Variants in HYDIN observed in about 807,000 individuals in gnomAD.
HYDIN encodes axonemal central pair apparatus protein HYDIN.
A neutral mutation model predicts 403.9 loss-of-function variants in HYDIN; 132 were observed. The ratio of observed to expected loss-of-function variants is 0.33; its 90% CI spans 0.28 to 0.38. HYDIN has a LOEUF of 0.38. Among genes scored for constraint, HYDIN ranks in the 10% least tolerant of loss-of-function variants. The pLI, the probability that HYDIN is intolerant of heterozygous loss-of-function variation, is 1.00. For synonymous variants in HYDIN, 1,202 were observed against 1,891.7 expected (o/e 0.64, Z 9.46); for missense variants, 2,827 against 5,009.5 (o/e 0.56, Z 13.15).
At chr16:71,101,946 C>T (rs989828825) in intron 10 of HYDIN, among the ~76,000 whole-genome samples, 4 of 151,996 alleles carry the variant, frequency 2.6e-5, no homozygotes, top group African/African-American at 9.7e-5. Context: ...AGAAACAACA[C>T]AAATGTCCAA....
intron 83 of HYDIN, among the ~76,000 whole-genome samples, chr16:70,819,296 C>T (rs1304920846): frequency 6.6e-6 from 1 of 151,968 alleles, no homozygotes; most frequent in African/African-American, 2.4e-5. Context: ...TTAATGATTA[C>T]TGTATGCCAG....
At position 70,900,347 on chromosome 16, in the gene HYDIN, C is replaced by T. The variant is rs553400182; in HGVS notation, c.9048+657G>A. 4.0e-3 allele frequency among the ~76,000 whole-genome samples: 612 copies of T among 151,346 alleles called. 4 individuals carry two copies. Among genetic ancestry groups the T allele is most frequent in the African/African-American group, 0.014 (557 of 41,214 alleles). ...AAAAAGTTAGCTGGGTGTAGTGGCGCGTGCCTGTAGTCCCAGCTACTCTGG... is the reference window on the plus strand; with the variant it reads ...AAAAAGTTAGCTGGGTGTAGTGGCGTGTGCCTGTAGTCCCAGCTACTCTGG... On this transcript the variant is annotated intron_variant, in intron 53 of 85. Coordinates refer to ENST00000393567, the MANE Select transcript of HYDIN (RefSeq NM_001270974.2).
intron 69 of HYDIN, 63 bp from the exon 70 acceptor site, chr16:70,860,964 G>A (rs2039373173): frequency 9.9e-7 from 1 of 1,009,910 alleles, no homozygotes; most frequent in South Asian, 1.5e-5. Flanking sequence ...TTCTTAGTTG[G>A]TTGGAAATGA....
chr16:71,219,661 A>G lies in HYDIN; in HGVS notation c.-24+10901T>C, dbSNP rs1361795460. Among the ~76,000 whole-genome samples, 4 of 152,184 alleles carry G rather than the reference A, an allele frequency of 2.6e-5. No individual in the cohort carries two copies. In the East Asian group the frequency reaches 7.7e-4, roughly 29 times the overall value. ...CCTTTAAAAAAATCAGATAACTAAA[A>G]CACTTTGAATCCAAATAAATTAAAA... On this transcript the variant is annotated intron_variant, in intron 1 of 85. Coordinates refer to ENST00000393567, the MANE Select transcript of HYDIN (RefSeq NM_001270974.2).
chr16:70,930,891 T>C (rs2077300441), intron 45 of HYDIN, among the ~76,000 whole-genome samples: 1 of 152,148 alleles, frequency 6.6e-6, no homozygotes, highest in Non-Finnish European at 1.5e-5. Context: ...AAATTACTTG[T>C]CATATGAAGA....
intron 15 of HYDIN, 61 bp from the exon 16 acceptor site, chr16:71,064,901 C>G: frequency 2.5e-6 from 4 of 1,586,844 alleles, no homozygotes; most frequent in Non-Finnish European, 2.6e-6. Flanking sequence ...ACAGAAAACG[C>G]AGAGCCCCAA....
rs2035033869 is a variant in HYDIN, at chr16:70,804,755, G to C, written c.*2825C>G. Among the ~76,000 whole-genome samples, 1 of 152,206 alleles carries C rather than the reference G, an allele frequency of 6.6e-6. No homozygotes were observed. The highest frequency in any genetic ancestry group is 6.5e-5 in the Admixed American group (1 of 15,286). The stretch of plus-strand genomic sequence containing the variant: ...CTATGAGGAAGCAGGTCTGAGCGCA[G>C]GCTGATCTAGTGATTAATGCTGAGT... On this transcript the variant is annotated 3_prime_UTR_variant, in exon 86 of 86. Transcript: ENST00000393567.
chr16:70,966,064 C>T (rs2143965876), intron 36 of HYDIN, among the ~76,000 whole-genome samples: 1 of 152,276 alleles, frequency 6.6e-6, no homozygotes. Flanking sequence ...AAAGGCCTGG[C>T]AAACAAGCAG....
At position 70,850,624 on chromosome 16, in the gene HYDIN, G is replaced by A. The variant is rs1460191524; in HGVS notation, c.12475C>T (p.Gln4159Ter). Reference protein sequence around the residue: ...FPIDIFFTPKQEGDVNFNLIC... With the variant: ...FPIDIFFTPK ...AAATTAAAGTTCACATCTCCTTCCT[G>A]CTTTGGTGTGAAGAAAATATCAATT... Residue 4159 changes from glutamine to a stop codon, truncating the protein, a stop_gained, in exon 74 of 86, where the codon CAG (glutamine) becomes TAG (stop). Coordinates refer to ENST00000393567, the MANE Select transcript of HYDIN (RefSeq NM_001270974.2). LOFTEE classifies it high-confidence loss of function. The A allele has an allele frequency of 2.5e-6, 4 of 1,613,822 alleles. No homozygotes were observed. Among genetic ancestry groups the A allele is most frequent in the Non-Finnish European group, 3.4e-6 (4 of 1,179,940 alleles).
chr16:70,974,931 T>C (rs2078844985), intron 31 of HYDIN, among the ~76,000 whole-genome samples: 1 of 152,234 alleles, frequency 6.6e-6, no homozygotes, highest in African/African-American at 2.4e-5. Flanking sequence ...CCATTAGACA[T>C]AGCTATAATG....
intron 83 of HYDIN, among the ~76,000 whole-genome samples, chr16:70,820,229 CG>C (rs1404811581): frequency 8.9e-6 from 1 of 112,806 alleles, no homozygotes; most frequent in African/African-American, 3.5e-5. Flanking sequence ...CTCGCTCTGT[CG>C]CCCAGGCTGG....
intron 57 of HYDIN, among the ~76,000 whole-genome samples, chr16:70,891,241 T>G (rs2041449332): frequency 6.6e-6 from 1 of 152,122 alleles, no homozygotes; most frequent in Non-Finnish European, 1.5e-5. Flanking sequence ...CAGACTGGAG[T>G]GCAGTGGCGC....
At chr16:71,038,228 C>T (rs1486184063) in intron 18 of HYDIN, among the ~76,000 whole-genome samples, 1 of 152,412 alleles carries the variant, frequency 6.6e-6, no homozygotes, top group Middle Eastern at 3.4e-3. Flanking sequence ...AAGCCCTCCC[C>T]TCTGAGGTTT....
intron 1 of HYDIN, among the ~76,000 whole-genome samples, chr16:71,188,502 A>T (rs527410014): frequency 6.6e-6 from 1 of 152,356 alleles, no homozygotes; most frequent in Admixed American, 6.5e-5. Context: ...ACAGATTTTT[A>T]AAAAATCATT....
At chr16:70,842,571 A>G (rs897182653) in intron 75 of HYDIN, among the ~76,000 whole-genome samples, 3 of 152,066 alleles carry the variant, frequency 2.0e-5, no homozygotes, top group African/African-American at 4.8e-5. Context: ...TTTAAATGCT[A>G]TATCTTTTTC....
In HYDIN at chr16:70,943,815, T is replaced by A; in HGVS notation, c.6666A>T (p.Ile2222=). Residue 2222 remains isoleucine (I), a synonymous_variant, in exon 42 of 86, where the codon ATA becomes ATT. Transcript: ENST00000393567. ...TGTGCAGGTGGCATGGACCCACCTG[T>A]ATCCGCTCTGCCAGGATCTGCACGA... ...ELLVQILAER[I]QLSDCYRGVV... is the part of the protein sequence containing the mutation. 1 of 1,612,160 alleles carries A rather than the reference T, an allele frequency of 6.2e-7. No homozygotes were observed. The highest frequency in any genetic ancestry group is 1.1e-5 in the South Asian group (1 of 91,076).
intron 1 of HYDIN, among the ~76,000 whole-genome samples, chr16:71,227,384 G>T (rs1368186825): frequency 6.6e-6 from 1 of 152,134 alleles, no homozygotes; most frequent in Non-Finnish European, 1.5e-5. Context: ...GTCCCTGTTT[G>T]CAGATGACAT....
Position 70,992,065 on chromosome 16 carries a change from C to G in HYDIN, c.3785+5G>C. ...ACAAATAATCTATGTTGGCTTTGCA[C>G]TTACTTAACAAAATCATTTAAATCC... On this transcript the variant is annotated splice_donor_5th_base_variant and intron_variant, in intron 24 of 85. Coordinates refer to ENST00000393567, the MANE Select transcript of HYDIN (RefSeq NM_001270974.2). 1.2e-6 allele frequency: 2 copies of G among 1,613,674 alleles called. No individual in the cohort carries two copies. Among genetic ancestry groups the G allele is most frequent in the Non-Finnish European group, 1.7e-6 (2 of 1,179,860 alleles).
rs3094845 is a variant in HYDIN at position 71,141,452 on chromosome 16, A to G, written c.842-4100T>C. On this transcript the variant is annotated intron_variant, in intron 7 of 85. Coordinates refer to ENST00000393567, the MANE Select transcript of HYDIN (RefSeq NM_001270974.2). ...ACTCAAAATCCAGATCCCTCTAAAA[A>G]ACTAAGAAATTTGATTACCTAAAAA... Among the ~76,000 whole-genome samples, 692 of 152,134 alleles carry G rather than the reference A, an allele frequency of 4.5e-3. 3 individuals are homozygous for G. The highest frequency in any genetic ancestry group is 0.016 in the African/African-American group (660 of 41,550).
Sources: allele counts gnomAD v4.1 joint callset (sites outside exome capture counted in the v4.1 genomes callset), GRCh38; gene constraint gnomAD v4.1.1; transcripts MANE v1.5; gene names NCBI Gene and HGNC (gene_info 2026-07-23, HGNC 2026-07-21).